Variants in IKZF1 observed in about 807,000 individuals in gnomAD.
The protein encoded by IKZF1 is IKAROS family zinc finger 1.
In IKZF1, 10 loss-of-function variants were observed where a neutral mutation model predicts 51.7. The observed-to-expected ratio is 0.19, with a 90% CI of 0.12 to 0.33. The LOEUF is 0.33. Among genes scored for constraint, IKZF1 ranks in the 10% least tolerant of loss-of-function variants. The pLI, the probability that IKZF1 is intolerant of heterozygous loss-of-function variation, is 1.00. For missense variants in IKZF1, 484 were observed against 707.5 expected (o/e 0.68, Z 3.58); for synonymous variants, 280 against 282.3 (o/e 0.99, Z 0.08).
At chr7:50,382,729 C>T (rs745467760) in intron 5 of IKZF1, 22 bp downstream of exon 5, 15 of 1,592,000 alleles carry the variant, frequency 9.4e-6, no homozygotes, top group South Asian at 6.7e-5. Context: ...GGATGCAGTC[C>T]GGGGCTGTCT....
chr7:50,401,185 G>A lies in IKZF1; in HGVS notation c.*558G>A, dbSNP rs192772337. 9 of 238,504 alleles carry A rather than the reference G, an allele frequency of 3.8e-5. No homozygotes were observed. The East Asian group carries it at 5.4e-4, about 14-fold the overall frequency. The allele number at this position is 238,504 out of a possible 1,614,324, so 14.8% of individuals were successfully genotyped here. On this transcript the variant is annotated 3_prime_UTR_variant, in exon 8 of 8. Coordinates refer to ENST00000331340, the MANE Select transcript of IKZF1 (RefSeq NM_006060.6). ...GCCAGCTTCGAGCTACATGCATCTA[G>A]GGCGGAGAGGCTGCACTTGTGAGAG...
In IKZF1 at chr7:50,403,897, G is replaced by A; in HGVS notation, c.*3270G>A. ...GCCAAAACAAACGCGAGATGAACTG[G>A]ACTTATGTAGACAAATCGTGATGCC... On this transcript the variant is annotated 3_prime_UTR_variant, in exon 8 of 8. Coordinates refer to ENST00000331340, the MANE Select transcript of IKZF1 (RefSeq NM_006060.6). 1 of 217,948 alleles carries A rather than the reference G, an allele frequency of 4.6e-6. No homozygotes were observed. The highest frequency in any genetic ancestry group is 6.8e-5 in the East Asian group (1 of 14,740). The allele number at this position is 217,948 out of a possible 1,614,324, so 13.5% of individuals were successfully genotyped here.
At chr7:50,389,444 G>A (rs1314222627) in intron 6 of IKZF1, among the ~76,000 whole-genome samples, 1 of 152,176 alleles carries the variant, frequency 6.6e-6, no homozygotes, top group Non-Finnish European at 1.5e-5. Context: ...ATTCCCTTTG[G>A]TGGTTAAGTT....
intron 3 of IKZF1, among the ~76,000 whole-genome samples, chr7:50,354,269 G>A (rs1802643014): frequency 6.6e-6 from 1 of 152,242 alleles, no homozygotes; most frequent in Admixed American, 6.5e-5. Flanking sequence ...GAAAACCAGT[G>A]CAAAGGTGTG....
chr7:50,394,379 C>T (rs1350254367), intron 7 of IKZF1: 1 of 233,126 alleles, frequency 4.3e-6, no homozygotes, highest in Non-Finnish European at 8.5e-6. Flanking sequence ...CTCTGAGGCC[C>T]CTCTCCACTT....
At chr7:50,326,242 G>A (rs577844508) in intron 2 of IKZF1, among the ~76,000 whole-genome samples, 1 of 152,168 alleles carries the variant, frequency 6.6e-6, no homozygotes, top group Non-Finnish European at 1.5e-5. Flanking sequence ...ATGTTTTTCA[G>A]ACATTTTAAT....
chr7:50,365,634 C>T (rs1020415671), intron 3 of IKZF1, among the ~76,000 whole-genome samples: 4 of 152,158 alleles, frequency 2.6e-5, no homozygotes, highest in Non-Finnish European at 4.4e-5. Flanking sequence ...CAAAGAATGA[C>T]AGTTGCTGGT....
At chr7:50,391,672 G>T in intron 6 of IKZF1, 57 bp from the exon 7 acceptor site, 1 of 1,603,078 alleles carries the variant, frequency 6.2e-7, no homozygotes, top group South Asian at 1.1e-5. Flanking sequence ...CATTGGACGC[G>T]ACTGAACCCT....
intron 3 of IKZF1, among the ~76,000 whole-genome samples, chr7:50,339,745 TC>T (rs1798639028): frequency 6.8e-6 from 1 of 146,508 alleles, no homozygotes; most frequent in Non-Finnish European, 1.5e-5. Context: ...TAACTCCTTC[TC>T]AAAAAAAAAA....
chr7:50,397,614 T>G (rs1672762347), intron 7 of IKZF1, among the ~76,000 whole-genome samples: 1 of 152,236 alleles, frequency 6.6e-6, no homozygotes, highest in Admixed American at 6.5e-5. Flanking sequence ...TTGCCTTGAT[T>G]TGGTAGAGGG....
At chr7:50,336,270 T>G (rs1421098728) in intron 3 of IKZF1, among the ~76,000 whole-genome samples, 2 of 145,794 alleles carry the variant, frequency 1.4e-5, no homozygotes, top group East Asian at 2.0e-4. Context: ...AGGGGGAGGG[T>G]GCAGGGGGAG....
intron 3 of IKZF1, among the ~76,000 whole-genome samples, chr7:50,336,956 A>T (rs1018372483): frequency 6.6e-6 from 1 of 151,748 alleles, no homozygotes; most frequent in Admixed American, 6.6e-5. Flanking sequence ...AAGGAGACAG[A>T]GTGAGTTGTG....
Position 50,369,098 on chromosome 7 carries a change from A to T in IKZF1, c.161-7435A>T, listed in dbSNP as rs182459719. 9.5e-5 allele frequency: 22 copies of T among 231,092 alleles called. No homozygotes were observed. The Admixed American group carries it at 1.2e-3, about 13-fold the overall frequency. The allele number at this position is 231,092 out of a possible 1,614,324, so 14.3% of individuals were successfully genotyped here. Reference sequence around the variant, plus strand: ...GATTCCACTTTAAAGCAATAGCTTGATACCTACTTTTTGAGATGTATATGT... The same window carrying T: ...GATTCCACTTTAAAGCAATAGCTTGTTACCTACTTTTTGAGATGTATATGT... On this transcript the variant is annotated intron_variant, in intron 3 of 7. Transcript: ENST00000331340.
At chr7:50,317,407 T>G (rs1791872398) in intron 1 of IKZF1, among the ~76,000 whole-genome samples, 1 of 152,232 alleles carries the variant, frequency 6.6e-6, no homozygotes, top group African/African-American at 2.4e-5. Flanking sequence ...ATCATTGTTT[T>G]GACAGTTTCA....
Position 50,400,060 on chromosome 7 carries a change from G to T in IKZF1, c.993G>T (p.Val331=). The change falls in exon 8 of 8, where the codon GTG becomes GTT. Residue 331 remains valine, a synonymous_variant. Transcript: ENST00000331340. This position sits in a 1 kb window ranked among gnomAD's most constrained non-coding sequence, Gnocchi z 5.4. ...YLGAESLRPL[V]QTPPGGSEVV... is the part of the protein sequence containing the mutation. ...GGGCCGAGTCCCTGCGCCCGCTGGT[G>T]CAGACGCCCCCGGGCGGTTCCGAGG... The T allele has an allele frequency of 6.2e-7, 1 of 1,603,360 alleles. No homozygotes were observed. The highest frequency in any genetic ancestry group is 8.5e-7 in the Non-Finnish European group (1 of 1,175,770).
rs74820000 is a variant in IKZF1, at chr7:50,347,857, G to A, written c.160+20100G>A. 4.3e-3 allele frequency among the ~76,000 whole-genome samples: 651 copies of A among 152,262 alleles called. 13 individuals are homozygous for A. In the East Asian group the frequency reaches 0.064, roughly 15 times the overall value. ...GGAAACCAGGGAGAAAGTGTGCTTC[G>A]TGAGAATAGGTATGCGGACGGCTCT... On this transcript the variant is annotated intron_variant, in intron 3 of 7. Transcript: ENST00000331340.
At chr7:50,364,006 GT>G (rs1806051934) in intron 3 of IKZF1, among the ~76,000 whole-genome samples, 1 of 152,214 alleles carries the variant, frequency 6.6e-6, no homozygotes. Flanking sequence ...ACAGGTTCAT[GT>G]GATTTAAAGA....
At position 50,395,883 on chromosome 7, in the gene IKZF1, A is replaced by G. The variant is rs541060484; in HGVS notation, c.850+4020A>G. Among the ~76,000 whole-genome samples, 3 of 152,288 alleles carry G rather than the reference A, an allele frequency of 2.0e-5. No homozygotes were observed. The South Asian group carries it at 6.2e-4, about 32-fold the overall frequency. On this transcript the variant is annotated intron_variant, in intron 7 of 7. Transcript: ENST00000331340. ...GGCCACTCTTTCTTTTTCTCCCTTG[A>G]GAACTTTTTAGATTTTGCTGATGGC...
At chr7:50,389,181 A>T (rs1814301670) in intron 6 of IKZF1, among the ~76,000 whole-genome samples, 1 of 152,196 alleles carries the variant, frequency 6.6e-6, no homozygotes, top group Non-Finnish European at 1.5e-5. Context: ...CTTAAATGCG[A>T]CTGATAATTC....
Sources: gnomAD v4.1 joint callset for allele counts (sites outside exome capture counted in the v4.1 genomes callset) on GRCh38, gnomAD v4.1.1 for gene constraint, Gnocchi (gnomAD v3.1) non-coding constraint, MANE v1.5 for transcripts, NCBI Gene and HGNC (gene_info 2026-07-23, HGNC 2026-07-21) for gene names.